Variants in DNAH8 observed in about 807,000 individuals in gnomAD.
DNAH8 encodes axonemal beta dynein heavy chain 8.
In DNAH8, 382 loss-of-function variants were observed where a neutral mutation model predicts 562.1. That is an observed-to-expected ratio of 0.68 (90% CI 0.63 to 0.74). The LOEUF (loss-of-function observed/expected upper bound fraction) is 0.74, where lower values mean the gene tolerates loss of function less well. DNAH8 is among the 30% of genes least tolerant of loss of function. The pLI is 0.00. For synonymous variants in DNAH8, 1,881 were observed against 1,919.4 expected (o/e 0.98, Z 0.52); for missense variants, 5,203 against 5,620.4 (o/e 0.93, Z 2.37).
At chr6:39,000,908 A>G (rs1463380320) in intron 88 of DNAH8, among the ~76,000 whole-genome samples, 1 of 152,148 alleles carries the variant, frequency 6.6e-6, no homozygotes, top group Non-Finnish European at 1.5e-5. Flanking sequence ...ATGAGGTGGG[A>G]AGGAAGTGAC....
chr6:38,988,904 C>T (rs1382603400), intron 87 of DNAH8, among the ~76,000 whole-genome samples: 2 of 152,174 alleles, frequency 1.3e-5, no homozygotes, highest in Non-Finnish European at 2.9e-5. Flanking sequence ...CTGACTCTTG[C>T]CTTAGTGCAC....
At position 38,723,625 on chromosome 6, in the gene DNAH8, A is replaced by G. The variant is rs113952530; in HGVS notation, c.525+154A>G. Reference sequence around the variant, plus strand: ...CACAGTGGCTCATGCCTGTAATCCCAGCACTTTGGGAGGCTGAGGTTTGGG... The same window carrying G: ...CACAGTGGCTCATGCCTGTAATCCCGGCACTTTGGGAGGCTGAGGTTTGGG... On this transcript the variant is annotated intron_variant, in intron 3 of 92. Transcript: ENST00000327475. Among the ~76,000 whole-genome samples, 377 of 152,320 alleles carry G rather than the reference A, an allele frequency of 2.5e-3. 3 individuals are homozygous for G. The highest frequency in any genetic ancestry group is 4.5e-3 in the Non-Finnish European group (306 of 68,022).
In DNAH8 at chr6:38,938,172, T is replaced by C. The variant is rs755064460; in HGVS notation, c.11762T>C (p.Met3921Thr). 1 of 1,614,080 alleles carries C rather than the reference T, an allele frequency of 6.2e-7. No individual in the cohort carries two copies. Among genetic ancestry groups the C allele is most frequent in the Non-Finnish European group, 8.5e-7 (1 of 1,180,010 alleles). Reference sequence around the variant, plus strand: ...ACAGAGATGAGCATGGTCAACATCATGTATCAGACGTCATTGGCCCAGTTC... The same window carrying C: ...ACAGAGATGAGCATGGTCAACATCACGTATCAGACGTCATTGGCCCAGTTC... Reference protein sequence around the residue: ...LITEMSMVNIMYQTSLAQFLK... With the variant: ...LITEMSMVNITYQTSLAQFLK... Residue 3921 changes from methionine (M) to threonine (T), a missense_variant, in exon 78 of 93, where the codon ATG becomes ACG. By Grantham distance (81) the Met-to-Thr change is moderately conservative. Transcript: ENST00000327475.
chr6:39,003,680 A>G lies in DNAH8; in HGVS notation c.13215-5134A>G, dbSNP rs73412435. 9.6e-3 allele frequency among the ~76,000 whole-genome samples: 1,460 copies of G among 152,288 alleles called. 35 individuals are homozygous for G. The highest frequency in any genetic ancestry group is 0.033 in the African/African-American group (1,373 of 41,562). Reference sequence around the variant, plus strand: ...CCCCCAATGACACCTCGCATGATCAATGAATATACAGCTACATCAGCATTT... The same window carrying G: ...CCCCCAATGACACCTCGCATGATCAGTGAATATACAGCTACATCAGCATTT... On this transcript the variant is annotated intron_variant, in intron 88 of 92. Coordinates refer to ENST00000327475, the MANE Select transcript of DNAH8 (RefSeq NM_001206927.2).
At chr6:38,827,429 C>G (rs1261435225) in intron 29 of DNAH8, among the ~76,000 whole-genome samples, 1 of 151,986 alleles carries the variant, frequency 6.6e-6, no homozygotes, top group African/African-American at 2.4e-5. Context: ...AAAAATCAAG[C>G]TTTTGATTCT....
In DNAH8 at chr6:38,719,723, A is replaced by G. The variant is rs141634282; in HGVS notation, c.-34-3053A>G. Among the ~76,000 whole-genome samples the G allele has an allele frequency of 2.3e-3, 344 of 152,274 alleles. 1 individual carries two copies. The highest frequency in any genetic ancestry group is 7.9e-3 in the African/African-American group (327 of 41,540). On this transcript the variant is annotated intron_variant, in intron 1 of 92. Transcript: ENST00000327475. ...AGCTCATTCCCTCTAGCATCAGAGGAATGCCTGGGCTGCTGTTTCACAGAT... is the reference window on the plus strand; with the variant it reads ...AGCTCATTCCCTCTAGCATCAGAGGGATGCCTGGGCTGCTGTTTCACAGAT...
Position 38,947,496 on chromosome 6 carries a change from A to G in DNAH8, c.12129+1908A>G, listed in dbSNP as rs935952085. ...CTATCATGGCTGCAGCTCACTTTGA[A>G]GCTCTACTGTGGTCAAGTCAAAATT... is the stretch of plus-strand genomic sequence containing the variant. On this transcript the variant is annotated intron_variant, in intron 80 of 92. Coordinates refer to ENST00000327475, the MANE Select transcript of DNAH8 (RefSeq NM_001206927.2). Among the ~76,000 whole-genome samples the G allele has an allele frequency of 3.3e-5, 5 of 152,214 alleles. No individual in the cohort carries two copies. The East Asian group carries it at 7.7e-4, about 23-fold the overall frequency.
chr6:38,931,677 TA>T (rs1782561540), intron 75 of DNAH8, 133 bp from the exon 76 acceptor site: 1 of 509,880 alleles, frequency 2.0e-6, no homozygotes, highest in East Asian at 3.2e-5. Flanking sequence ...GATCAGTGAT[TA>T]AAATTTTGTA....
chr6:38,909,461 C>T (rs1257266459), intron 64 of DNAH8, 57 bp from the exon 65 acceptor site: 24 of 1,526,398 alleles, frequency 1.6e-5, no homozygotes, highest in Non-Finnish European at 2.1e-5. Context: ...AAATCTCTCT[C>T]TGGCTGACTT....
At chr6:39,011,584 C>T (rs760447198) in intron 89 of DNAH8, among the ~76,000 whole-genome samples, 2 of 152,178 alleles carry the variant, frequency 1.3e-5, no homozygotes, top group Non-Finnish European at 2.9e-5. Context: ...TTCCCACAAC[C>T]AGAGGCTTTT....
intron 55 of DNAH8, 121 bp downstream of exon 55, chr6:38,883,577 A>C: frequency 2.6e-6 from 3 of 1,152,638 alleles, no homozygotes; most frequent in Non-Finnish European, 3.5e-6. Context: ...ATCATGCTGC[A>C]CTTGGCATTC....
At chr6:38,949,867 C>G (rs565715252) in intron 81 of DNAH8, among the ~76,000 whole-genome samples, 26 of 152,102 alleles carry the variant, frequency 1.7e-4, no homozygotes, top group African/African-American at 6.3e-4. Flanking sequence ...GAAAAATATG[C>G]TTTTAATATT....
rs564869118 is a variant in DNAH8, at chr6:38,849,143, T to C, written c.5199+342T>C. On this transcript the variant is annotated intron_variant, in intron 37 of 92. Transcript: ENST00000327475. ...CTCTGATTAGCAGAAAGAAGAAACT[T>C]ACATAGTTTTAAACAGTGAATAATC... 5.3e-5 allele frequency among the ~76,000 whole-genome samples: 8 copies of C among 152,260 alleles called. No individual in the cohort carries two copies. The East Asian group carries it at 5.8e-4, about 11-fold the overall frequency.
chr6:38,778,208 T>G (rs1029010588), intron 13 of DNAH8, among the ~76,000 whole-genome samples, 180 bp from the exon 14 acceptor site: 4 of 152,200 alleles, frequency 2.6e-5, no homozygotes, highest in Non-Finnish European at 4.4e-5. Context: ...TTTCAAGTGC[T>G]CAGTAGCCAC....
intron 30 of DNAH8, among the ~76,000 whole-genome samples, chr6:38,831,962 G>A (rs1773872861): frequency 6.6e-6 from 1 of 151,970 alleles, no homozygotes; most frequent in Non-Finnish European, 1.5e-5. Context: ...TTGCTCCAAT[G>A]ACTGCAGGCA....
At chr6:38,800,897 A>G (rs1411282479) in intron 21 of DNAH8, among the ~76,000 whole-genome samples, 2 of 151,928 alleles carry the variant, frequency 1.3e-5, no homozygotes, top group Admixed American at 6.6e-5. Context: ...TTAAAATTGG[A>G]TATTTGTCTT....
At chr6:39,022,073 C>A (rs915072485) in intron 91 of DNAH8, among the ~76,000 whole-genome samples, 2 of 152,066 alleles carry the variant, frequency 1.3e-5, no homozygotes, top group African/African-American at 4.8e-5. Flanking sequence ...AAAGTATAAT[C>A]CTAGCTTAAA....
intron 70 of DNAH8, among the ~76,000 whole-genome samples, chr6:38,920,976 G>A (rs7760438): frequency 1.6e-3 from 239 of 152,122 alleles, no homozygotes; most frequent in African/African-American, 5.4e-3. Flanking sequence ...CTGCAGCCTC[G>A]ACCTCCGGGG....
chr6:38,864,073 G>A lies in DNAH8; in HGVS notation c.6498+13G>A. On this transcript the variant is annotated intron_variant, in intron 45 of 92. Coordinates refer to ENST00000327475, the MANE Select transcript of DNAH8 (RefSeq NM_001206927.2). ...CTTCTTAACGATGGTGAGAAAAAAGGCTTTAAATGCAATTTAATTAGTTTA... is the reference window on the plus strand; with the variant it reads ...CTTCTTAACGATGGTGAGAAAAAAGACTTTAAATGCAATTTAATTAGTTTA... 5 of 1,599,626 alleles carry A rather than the reference G, an allele frequency of 3.1e-6. No homozygotes were observed. The highest frequency in any genetic ancestry group is 4.3e-6 in the Non-Finnish European group (5 of 1,176,124).
Sources: gnomAD v4.1 joint callset for allele counts (sites outside exome capture counted in the v4.1 genomes callset) on GRCh38, gnomAD v4.1.1 for gene constraint, MANE v1.5 for transcripts, NCBI Gene and HGNC (gene_info 2026-07-23, HGNC 2026-07-21) for gene names.